ETHE1: variants seen among roughly 807,000 people sequenced by gnomAD.
ETHE1 encodes ETHE1 persulfide dioxygenase.
A neutral mutation model predicts 25.7 loss-of-function variants in ETHE1; 16 were observed. The ratio of observed to expected loss-of-function variants is 0.62; its 90% CI spans 0.42 to 0.95. ETHE1 has a LOEUF of 0.95. Ranked by LOEUF, ETHE1 falls within the 40% of genes least tolerant of loss-of-function variation. ETHE1 has a pLI of 0.00. For synonymous variants in ETHE1, 139 were observed against 135.9 expected (o/e 1.02, Z -0.16); for missense variants, 300 against 333.6 (o/e 0.90, Z 0.79).
At chr19:43,508,167 C>T in intron 5 of ETHE1, 107 bp from the exon 6 acceptor site, 9 of 1,526,414 alleles carry the variant, frequency 5.9e-6, no homozygotes, top group Non-Finnish European at 7.9e-6. Context: ...GGGGCTCTTC[C>T]CAGAATATTC....
At chr19:43,526,897 G>A in intron 1 of ETHE1, 200 bp downstream of exon 1, 2 of 1,475,842 alleles carry the variant, frequency 1.4e-6, no homozygotes, top group African/African-American at 1.4e-5. Context: ...AGAGGACCCA[G>A]GGGTCTGGCC....
rs1262480081 is a variant in ETHE1, at chr19:43,506,863, G to A, written c.752C>T (p.Thr251Ile). 6.2e-7 allele frequency: 1 copy of A among 1,613,690 alleles called. No individual in the cohort carries two copies. Residue 251 changes from threonine (T) to isoleucine (I), a missense_variant, in exon 7 of 7, where the codon ACA becomes ATA. Transcript: ENST00000292147. Reference sequence around the variant, plus strand: ...ACAGAAGTGAGATCAGGCAGTGGGTGTCTGCACCCCACAGCGCATGTTGGC... The same window carrying A: ...ACAGAAGTGAGATCAGGCAGTGGGTATCTGCACCCCACAGCGCATGTTGGC... ...VPANMRCGVQTPTA is the reference protein window; with the variant it reads ...VPANMRCGVQIPTA
intron 3 of ETHE1, among the ~76,000 whole-genome samples, chr19:43,524,918 G>A (rs781763959): frequency 1.3e-5 from 2 of 152,002 alleles, no homozygotes; most frequent in Non-Finnish European, 2.9e-5. Flanking sequence ...GCCAAGGTAG[G>A]AGGATCACTT....
Position 43,506,936 on chromosome 19 carries a change from G to A in ETHE1, c.713-34C>T, listed in dbSNP as rs1020225722. The A allele has an allele frequency of 5.6e-6, 9 of 1,612,092 alleles. No homozygotes were observed. The African/African-American group carries it at 6.7e-5, about 12-fold the overall frequency. On this transcript the variant is annotated intron_variant, in intron 6 of 6. Coordinates refer to ENST00000292147, the MANE Select transcript of ETHE1 (RefSeq NM_014297.5). ...AAGAAATCAAGGTTAAAACTAAGGGGCCTAGGTAGAGTTCCAGGCCCCACT... is the reference window on the plus strand; with the variant it reads ...AAGAAATCAAGGTTAAAACTAAGGGACCTAGGTAGAGTTCCAGGCCCCACT...
intron 3 of ETHE1, among the ~76,000 whole-genome samples, chr19:43,524,179 C>T (rs893718742): frequency 2.0e-5 from 3 of 151,148 alleles, no homozygotes; most frequent in South Asian, 2.1e-4. Context: ...CTCCAGCCTG[C>T]GCAACAAGAG....
intron 4 of ETHE1, among the ~76,000 whole-genome samples, chr19:43,509,447 A>G (rs919265509): frequency 6.6e-6 from 1 of 150,676 alleles, no homozygotes; most frequent in African/African-American, 2.4e-5. Context: ...CAGTGAGCCA[A>G]GATCACACCA....
At chr19:43,516,151 C>G (rs1429541254) in intron 3 of ETHE1, among the ~76,000 whole-genome samples, 1 of 152,210 alleles carries the variant, frequency 6.6e-6, no homozygotes, top group Non-Finnish European at 1.5e-5. Context: ...AGGAGTTGTA[C>G]TGGATCCAAC....
intron 3 of ETHE1, among the ~76,000 whole-genome samples, chr19:43,520,527 T>C (rs1175849941): frequency 1.3e-5 from 2 of 152,038 alleles, no homozygotes; most frequent in Non-Finnish European, 2.9e-5. Flanking sequence ...GTGGCAAAAC[T>C]CTGTCTTTAC....
At chr19:43,527,065 A>G (rs1317528734) in intron 1 of ETHE1, 32 bp downstream of exon 1, 1 of 1,546,664 alleles carries the variant, frequency 6.5e-7, no homozygotes, top group South Asian at 1.2e-5. Flanking sequence ...CCTAGTGCCC[A>G]GCAGTCCCCT....
chr19:43,511,624 G>A, intron 3 of ETHE1, 58 bp from the exon 4 acceptor site: 1 of 1,589,140 alleles, frequency 6.3e-7, no homozygotes, highest in Non-Finnish European at 8.6e-7. Context: ...GATGAAACTG[G>A]CCCCCAAAGC....
intron 3 of ETHE1, among the ~76,000 whole-genome samples, chr19:43,520,537 CAA>C (rs1285563829): frequency 6.6e-6 from 1 of 151,872 alleles, no homozygotes; most frequent in Non-Finnish European, 1.5e-5. Flanking sequence ...TCTGTCTTTA[CAA>C]AAAACACAAA....
chr19:43,521,230 G>T (rs1413998850), intron 3 of ETHE1, among the ~76,000 whole-genome samples: 1 of 152,082 alleles, frequency 6.6e-6, no homozygotes, highest in African/African-American at 2.4e-5. Context: ...TACTGGAGAG[G>T]CTGAGGCAGA....
At chr19:43,509,668 C>A (rs985969240) in intron 4 of ETHE1, among the ~76,000 whole-genome samples, 2 of 147,500 alleles carry the variant, frequency 1.4e-5, no homozygotes, top group Non-Finnish European at 3.0e-5. Flanking sequence ...TGATGGCGGG[C>A]GCCTGTAGTC....
intron 3 of ETHE1, among the ~76,000 whole-genome samples, chr19:43,523,320 G>C (rs1362338918): frequency 6.6e-6 from 1 of 152,134 alleles, no homozygotes; most frequent in Non-Finnish European, 1.5e-5. Context: ...ACCCAGGCTG[G>C]AGTGCAGTGG....
intron 3 of ETHE1, among the ~76,000 whole-genome samples, chr19:43,519,093 T>C (rs1049206433): frequency 7.3e-6 from 1 of 136,796 alleles, no homozygotes; most frequent in Non-Finnish European, 1.5e-5. Flanking sequence ...CACTGCAACC[T>C]CTACCTCCTG....
chr19:43,511,451 G>T lies in ETHE1; in HGVS notation c.491C>A (p.Thr164Lys), dbSNP rs1268640442. 6.2e-7 allele frequency: 1 copy of T among 1,614,210 alleles called. No homozygotes were observed. Among genetic ancestry groups the T allele is most frequent in the Non-Finnish European group, 8.5e-7 (1 of 1,180,040 alleles). ...DALLIRGCGR[T>K]DFQQGCAKTL... ...GAGCTGGTCACCTTGCTGGAAGTCT[G>T]TCCGCCCACACCCACGGATCAACAG... is the stretch of plus-strand genomic sequence containing the variant. The change falls in exon 4 of 7, where the codon ACA (threonine) becomes AAA (lysine). Residue 164 changes from threonine (T) to lysine (K), a missense_variant. Coordinates refer to ENST00000292147, the MANE Select transcript of ETHE1 (RefSeq NM_014297.5).
intron 3 of ETHE1, among the ~76,000 whole-genome samples, chr19:43,525,205 A>C (rs1331519616): frequency 6.6e-6 from 1 of 152,078 alleles, no homozygotes; most frequent in East Asian, 1.9e-4. Context: ...CCCTTCGTTC[A>C]TTTCAAGACA....
chr19:43,526,205 C>T lies in ETHE1; in HGVS notation c.371G>A (p.Arg124His). 2 of 1,614,112 alleles carry T rather than the reference C, an allele frequency of 1.2e-6. No homozygotes were observed. Among genetic ancestry groups the T allele is most frequent in the East Asian group, 2.2e-5 (1 of 44,856 alleles). The change falls in exon 3 of 7, where the codon CGC (arginine) becomes CAC (histidine). Residue 124 changes from arginine to histidine, a missense_variant. By Grantham distance (29) the Arg-to-His change is conservative. Transcript: ENST00000292147. ...GGGACCCAGCACCCAACTCACGAAG[C>T]GCCCGAAGCGGATGGAGTCTCCATC... is the stretch of plus-strand genomic sequence containing the variant. ...IEDGDSIRFG[R>H]FALETRASPG... is the part of the protein sequence containing the mutation.
chr19:43,522,022 G>A (rs954972727), intron 3 of ETHE1, among the ~76,000 whole-genome samples: 2 of 152,122 alleles, frequency 1.3e-5, no homozygotes, highest in Non-Finnish European at 2.9e-5. Context: ...TGCCCATTTT[G>A]TAGGGCAAAA....
Sources: allele counts gnomAD v4.1 joint callset (sites outside exome capture counted in the v4.1 genomes callset), GRCh38; gene constraint gnomAD v4.1.1; transcripts MANE v1.5; gene names NCBI Gene and HGNC (gene_info 2026-07-23, HGNC 2026-07-21).